Variants in KHDRBS2 observed in about 807,000 individuals in gnomAD.
KHDRBS2 encodes KH domain-containing, RNA-binding, signal transduction-associated protein 2.
In KHDRBS2, 26 loss-of-function variants were observed where a neutral mutation model predicts 44.3. The ratio of observed to expected loss-of-function variants is 0.59; its 90% CI spans 0.43 to 0.81. KHDRBS2 has a LOEUF of 0.81. Among genes scored for constraint, KHDRBS2 ranks in the 40% least tolerant of loss-of-function variants. The pLI is 0.00. For synonymous variants in KHDRBS2, 194 were observed against 151.1 expected (o/e 1.28, Z -2.08); for missense variants, 476 against 433.1 (o/e 1.10, Z -0.88).
the KHDRBS2 span, among the ~76,000 whole-genome samples, chr6:61,576,391 T>A: frequency 7.2e-5 from 11 of 152,162 alleles, no homozygotes; most frequent in Non-Finnish European, 1.6e-4. Context: ...GCTTGATTGT[T>A]ATTGGTGCAT....
Position 61,944,179 on chromosome 6 carries a change from G to T in KHDRBS2, c.483+33887C>A, listed in dbSNP as rs759814530. Among the ~76,000 whole-genome samples, 3 of 152,136 alleles carry T rather than the reference G, an allele frequency of 2.0e-5. No individual in the cohort carries two copies. In the South Asian group the frequency reaches 6.2e-4, roughly 32 times the overall value. On this transcript the variant is annotated intron_variant, in intron 4 of 8. Coordinates refer to ENST00000281156, the MANE Select transcript of KHDRBS2 (RefSeq NM_152688.4). ...CACTATTGGGTATCCAAAGGAAAAGGAATCATTATATCAAAGGAATATCTG... is the reference window on the plus strand; with the variant it reads ...CACTATTGGGTATCCAAAGGAAAAGTAATCATTATATCAAAGGAATATCTG...
chr6:61,852,707 A>G (rs1296293342), intron 6 of KHDRBS2, among the ~76,000 whole-genome samples: 1 of 152,192 alleles, frequency 6.6e-6, no homozygotes, highest in Non-Finnish European at 1.5e-5. Context: ...TTTATTTTTA[A>G]GAGAATTTTG....
intron 2 of KHDRBS2, among the ~76,000 whole-genome samples, chr6:62,150,998 C>G (rs1168452784): frequency 5.9e-5 from 9 of 152,072 alleles, no homozygotes; most frequent in Non-Finnish European, 1.3e-4. Flanking sequence ...AGATTTCCCC[C>G]CTTCTCACCC....
chr6:61,573,565 G>A, the KHDRBS2 span, among the ~76,000 whole-genome samples: 8 of 152,128 alleles, frequency 5.3e-5, no homozygotes, highest in South Asian at 2.1e-4. Context: ...CAAGGCAGGC[G>A]GATCACCTGA....
chr6:61,622,312 C>T, the KHDRBS2 span, among the ~76,000 whole-genome samples: 1,105 of 152,262 alleles, frequency 7.3e-3, 8 homozygotes, highest in Non-Finnish European at 0.011. Flanking sequence ...TCAGGAGTTG[C>T]CTCATCTCCC....
chr6:62,003,418 GA>G (rs1162388730), intron 3 of KHDRBS2, among the ~76,000 whole-genome samples: 5 of 152,022 alleles, frequency 3.3e-5, no homozygotes, highest in African/African-American at 1.2e-4. Flanking sequence ...GTTATTTCTT[GA>G]GAGGAGAACA....
chr6:62,190,355 A>G (rs1235244184), intron 1 of KHDRBS2, among the ~76,000 whole-genome samples: 1 of 152,112 alleles, frequency 6.6e-6, no homozygotes, highest in African/African-American at 2.4e-5. Context: ...ATGTGGCCAC[A>G]GTATGAAGCT....
At chr6:61,603,579 A>G in the KHDRBS2 span, among the ~76,000 whole-genome samples, 1 of 152,130 alleles carries the variant, frequency 6.6e-6, no homozygotes, top group African/African-American at 2.4e-5. Flanking sequence ...GTTTTAGCCT[A>G]GCCTCATGTC....
the KHDRBS2 span, among the ~76,000 whole-genome samples, chr6:61,669,896 A>G: frequency 6.6e-6 from 1 of 151,040 alleles, no homozygotes; most frequent in Non-Finnish European, 1.5e-5. Flanking sequence ...GTATTAGCTT[A>G]TTTTTCACTA....
the KHDRBS2 span, among the ~76,000 whole-genome samples, chr6:61,553,570 T>G: frequency 6.6e-6 from 1 of 152,138 alleles, no homozygotes; most frequent in Non-Finnish European, 1.5e-5. Context: ...TGCTCTTGTT[T>G]CTCTAGTTCT....
intron 6 of KHDRBS2, among the ~76,000 whole-genome samples, chr6:61,889,914 T>A (rs1801560874): frequency 6.6e-6 from 1 of 152,300 alleles, no homozygotes; most frequent in East Asian, 1.9e-4. Flanking sequence ...CCAGGGATAT[T>A]GTTTACAGAA....
intron 6 of KHDRBS2, among the ~76,000 whole-genome samples, chr6:61,854,018 GTC>G (rs1182548579): frequency 6.6e-6 from 1 of 152,112 alleles, no homozygotes; most frequent in Non-Finnish European, 1.5e-5. Context: ...GGGACATCTA[GTC>G]TCTATTTGGG....
chr6:62,255,605 AACACACACACACACACAC>A lies in KHDRBS2; in HGVS notation c.91+30235_91+30252del, dbSNP rs60498757. On this transcript the variant is annotated intron_variant, in intron 1 of 8. Coordinates refer to ENST00000281156, the MANE Select transcript of KHDRBS2 (RefSeq NM_152688.4). ...TTTACCCTCATTCCTCATGCTTTAA[AACACACACACACACACAC>A]ACACACACACACACACACACACACA... 5.3e-3 allele frequency among the ~76,000 whole-genome samples: 726 copies of A among 137,444 alleles called. 7 individuals carry two copies. Among genetic ancestry groups the A allele is most frequent in the East Asian group, 0.027 (122 of 4,496 alleles). 90.2% of individuals were successfully genotyped at this position (137,444 alleles called of 152,430 possible). A position where few individuals can be genotyped will look rare whatever the true frequency, so the allele number is the denominator to read the frequency against.
chr6:61,781,534 G>A (rs1299849894), intron 6 of KHDRBS2, among the ~76,000 whole-genome samples: 1 of 152,066 alleles, frequency 6.6e-6, no homozygotes, highest in Non-Finnish European at 1.5e-5. Context: ...TTAGAAATCT[G>A]CAAGCTTTTG....
At chr6:61,658,335 G>A in the KHDRBS2 span, among the ~76,000 whole-genome samples, 1 of 151,774 alleles carries the variant, frequency 6.6e-6, no homozygotes, top group African/African-American at 2.4e-5. Flanking sequence ...TTAGGAATGT[G>A]AAATGCAGAT....
At chr6:62,157,256 G>C (rs1214600309) in intron 2 of KHDRBS2, among the ~76,000 whole-genome samples, 2 of 151,688 alleles carry the variant, frequency 1.3e-5, no homozygotes, top group Non-Finnish European at 2.9e-5. Context: ...CCAGGAGGGG[G>C]AGGTTGCAGT....
At chr6:61,863,167 T>A (rs896211976) in intron 6 of KHDRBS2, among the ~76,000 whole-genome samples, 2 of 152,014 alleles carry the variant, frequency 1.3e-5, no homozygotes, top group African/African-American at 4.8e-5. Context: ...TATTTGAATC[T>A]TCTCTCTTTT....
At chr6:61,814,713 AG>A (rs1490484894) in intron 6 of KHDRBS2, among the ~76,000 whole-genome samples, 1 of 152,134 alleles carries the variant, frequency 6.6e-6, no homozygotes, top group Non-Finnish European at 1.5e-5. Context: ...GAGTGTGGTC[AG>A]GGGTGGGCAT....
At chr6:62,195,398 A>G (rs1825472348) in intron 1 of KHDRBS2, among the ~76,000 whole-genome samples, 1 of 152,152 alleles carries the variant, frequency 6.6e-6, no homozygotes, top group African/African-American at 2.4e-5. Context: ...TTCCCACAAC[A>G]TATTTTTGAA....
Sources: gnomAD v4.1 joint callset for allele counts (sites outside exome capture counted in the v4.1 genomes callset) on GRCh38, gnomAD v4.1.1 for gene constraint, MANE v1.5 for transcripts, NCBI Gene and HGNC (gene_info 2026-07-23, HGNC 2026-07-21) for gene names.